SOX5: variants seen among roughly 807,000 people sequenced by gnomAD.
SOX5 encodes the protein transcription factor SOX-5.
SOX5 carries 9 observed loss-of-function variants against 92.0 expected under a neutral mutation model. That is an observed-to-expected ratio of 0.10 (90% CI 0.06 to 0.17). SOX5 has a LOEUF of 0.17. Among genes scored for constraint, SOX5 ranks in the 10% least tolerant of loss-of-function variants. The pLI is 1.00. For synonymous variants in SOX5, 344 were observed against 336.3 expected (o/e 1.02, Z -0.25); for missense variants, 642 against 944.5 (o/e 0.68, Z 4.20).
intron 4 of SOX5, among the ~76,000 whole-genome samples, chr12:24,154,835 TTAATAA>T (rs1003274899): frequency 2.6e-5 from 4 of 152,104 alleles, no homozygotes; most frequent in African/African-American, 4.8e-5. Context: ...ACTGATAGAA[TTAATAA>T]TAATTATGTT....
chr12:23,605,396 T>C (rs1040044083), intron 8 of SOX5, among the ~76,000 whole-genome samples: 5 of 150,214 alleles, frequency 3.3e-5, no homozygotes, highest in Non-Finnish European at 7.4e-5. Context: ...TTTGTTAAAA[T>C]TTTAAATAAC....
At chr12:24,448,892 A>G (rs1338433703) in intron 1 of SOX5, among the ~76,000 whole-genome samples, 2 of 152,210 alleles carry the variant, frequency 1.3e-5, no homozygotes, top group African/African-American at 4.8e-5. Context: ...AATGTGTCCA[A>G]AACAAACCTC....
intron 6 of SOX5, among the ~76,000 whole-genome samples, chr12:23,723,723 A>C (rs2092958108): frequency 6.6e-6 from 1 of 151,942 alleles, no homozygotes; most frequent in Non-Finnish European, 1.5e-5. Flanking sequence ...GAATACACAT[A>C]CAATTCATAT....
intron 2 of SOX5, among the ~76,000 whole-genome samples, chr12:23,877,031 A>G (rs1190011201): frequency 6.6e-6 from 1 of 152,036 alleles, no homozygotes; most frequent in Non-Finnish European, 1.5e-5. Context: ...ATTTGGAGAA[A>G]TATGTAATGT....
intron 2 of SOX5, among the ~76,000 whole-genome samples, chr12:24,362,773 TTAA>T (rs1288050987): frequency 1.3e-5 from 2 of 151,850 alleles, no homozygotes; most frequent in Admixed American, 6.6e-5. Flanking sequence ...AGTTTGATAT[TTAA>T]TAATTAGCTA....
intron 4 of SOX5, among the ~76,000 whole-genome samples, chr12:24,143,906 AAAT>A (rs1317798825): frequency 2.6e-5 from 4 of 151,914 alleles, no homozygotes; most frequent in African/African-American, 4.8e-5. Flanking sequence ...GGAGGAGGAG[AAAT>A]AATAATAATG....
chr12:23,918,992 AT>A (rs1326795491), intron 1 of SOX5, among the ~76,000 whole-genome samples: 4 of 151,666 alleles, frequency 2.6e-5, no homozygotes, highest in African/African-American at 9.7e-5. Flanking sequence ...CCAAAATTGT[AT>A]TTAAAAAATC....
At chr12:24,263,547 A>AAAAAAAAC (rs1565781963) in intron 3 of SOX5, among the ~76,000 whole-genome samples, 66 of 144,990 alleles carry the variant, frequency 4.6e-4, no homozygotes, top group Non-Finnish European at 5.8e-4. Flanking sequence ...AAAACAAAAA[A>AAAAAAAAC]AAAAACAAAA....
chr12:23,687,776 TACAGCTGCATACC>T (rs1480635692), intron 6 of SOX5, among the ~76,000 whole-genome samples: 1 of 151,980 alleles, frequency 6.6e-6, no homozygotes, highest in Non-Finnish European at 1.5e-5. Context: ...AAGAACCATT[TACAGCTGCATACC>T]ACATATGACC....
At chr12:23,591,904 A>T (rs1480414073) in intron 9 of SOX5, among the ~76,000 whole-genome samples, 3 of 152,126 alleles carry the variant, frequency 2.0e-5, no homozygotes, top group Non-Finnish European at 4.4e-5. Flanking sequence ...TTTTTGTAGT[A>T]TTTCATCCTT....
At position 23,571,402 on chromosome 12, in the gene SOX5, C is replaced by T. The variant is rs1388117302; in HGVS notation, c.1342+4259G>A. Among the ~76,000 whole-genome samples the T allele has an allele frequency of 3.9e-5, 6 of 152,104 alleles. No homozygotes were observed. In the East Asian group the frequency reaches 1.2e-3, roughly 30 times the overall value. On this transcript the variant is annotated intron_variant, in intron 10 of 14. Transcript: ENST00000451604. ...AATGAAGGCTAAGAACAGTACATTC[C>T]AATATGTCCCAAAGATATGCTAGGA...
intron 4 of SOX5, among the ~76,000 whole-genome samples, chr12:24,000,899 C>A (rs1951536541): frequency 6.6e-6 from 1 of 152,018 alleles, no homozygotes; most frequent in Non-Finnish European, 1.5e-5. Context: ...AGGAATTAGA[C>A]AGGATATACA....
In SOX5 at chr12:24,172,787, C is replaced by G. The variant is rs565714411; in HGVS notation, c.-2+40556G>C. Among the ~76,000 whole-genome samples the G allele has an allele frequency of 1.3e-4, 20 of 152,226 alleles. No individual in the cohort carries two copies. In the South Asian group the frequency reaches 4.1e-3, roughly 32 times the overall value. On this transcript the variant is annotated intron_variant, in intron 4 of 4. Transcript: ENST00000446891. ...TCAACTCAAATAAGTTTGAAAGAAGCAAACAGGTCCAATAAAAGAGAGTCA... is the reference window on the plus strand; with the variant it reads ...TCAACTCAAATAAGTTTGAAAGAAGGAAACAGGTCCAATAAAAGAGAGTCA...
chr12:24,396,314 C>G (rs984318378), intron 1 of SOX5, among the ~76,000 whole-genome samples: 8 of 152,128 alleles, frequency 5.3e-5, no homozygotes, highest in African/African-American at 1.7e-4. Context: ...CCTGCTATAT[C>G]CAGACGGTCC....
intron 3 of SOX5, among the ~76,000 whole-genome samples, chr12:24,260,607 G>A (rs972791511): frequency 2.0e-5 from 3 of 152,124 alleles, no homozygotes; most frequent in East Asian, 1.9e-4. Context: ...GACTTCCTTA[G>A]GTAGTGATAT....
intron 2 of SOX5, among the ~76,000 whole-genome samples, chr12:24,278,455 G>A (rs963895002): frequency 3.9e-5 from 6 of 152,136 alleles, no homozygotes; most frequent in Admixed American, 3.9e-4. Flanking sequence ...ACTCACGCCT[G>A]TAATCCCAGC....
At chr12:24,106,321 G>C (rs1377905530) in intron 4 of SOX5, among the ~76,000 whole-genome samples, 1 of 152,070 alleles carries the variant, frequency 6.6e-6, no homozygotes, top group East Asian at 1.9e-4. Context: ...TCAAGTCATT[G>C]CTGAAAAACT....
At chr12:24,381,684 T>A (rs1957843207) in intron 1 of SOX5, among the ~76,000 whole-genome samples, 1 of 152,190 alleles carries the variant, frequency 6.6e-6, no homozygotes, top group Non-Finnish European at 1.5e-5. Flanking sequence ...ATTGGAGAAG[T>A]CTTTAAAAAG....
intron 1 of SOX5, among the ~76,000 whole-genome samples, chr12:24,473,488 G>C (rs1334043635): frequency 6.6e-6 from 1 of 152,212 alleles, no homozygotes; most frequent in Non-Finnish European, 1.5e-5. Flanking sequence ...TAGAATTTAA[G>C]TTGACTCTGG....
Sources: gnomAD v4.1 joint callset for allele counts (sites outside exome capture counted in the v4.1 genomes callset) on GRCh38, gnomAD v4.1.1 for gene constraint, MANE v1.5 for transcripts, NCBI Gene and HGNC (gene_info 2026-07-23, HGNC 2026-07-21) for gene names.